The following SEMA5A variants were observed in gnomAD, a reference collection of about 807,000 sequenced individuals.
The protein encoded by SEMA5A is semaphorin-5A.
A neutral mutation model predicts 135.5 loss-of-function variants in SEMA5A; 55 were observed. The observed-to-expected ratio is 0.41, with a 90% CI of 0.33 to 0.51. The LOEUF (loss-of-function observed/expected upper bound fraction) is 0.51. Ranked by LOEUF, SEMA5A falls within the 20% of genes least tolerant of loss-of-function variation. SEMA5A has a pLI of 0.37. For synonymous variants in SEMA5A, 580 were observed against 546.5 expected (o/e 1.06, Z -0.85); for missense variants, 1,290 against 1,419.9 (o/e 0.91, Z 1.47).
At chr5:9,184,060 A>G (rs1161369104) in intron 11 of SEMA5A, among the ~76,000 whole-genome samples, 1 of 151,576 alleles carries the variant, frequency 6.6e-6, no homozygotes. Context: ...GTCTTATTTC[A>G]TGTTTGTAAA....
chr5:9,540,637 A>G lies in SEMA5A; in HGVS notation c.-175+4947T>C, dbSNP rs559628249. Among the ~76,000 whole-genome samples the G allele has an allele frequency of 4.6e-5, 7 of 152,230 alleles. No individual in the cohort carries two copies. In the South Asian group the frequency reaches 1.5e-3, roughly 32 times the overall value. On this transcript the variant is annotated intron_variant, in intron 1 of 22. Transcript: ENST00000382496. ...AGAAAAGAAAATCAGTAGTTTTACAACAAACCTAAATCTCAGTCCTGTAAA... is the reference window on the plus strand; with the variant it reads ...AGAAAAGAAAATCAGTAGTTTTACAGCAAACCTAAATCTCAGTCCTGTAAA...
chr5:9,050,440 A>T lies in SEMA5A; in HGVS notation c.2863T>A (p.Ser955Thr). The T allele has an allele frequency of 6.2e-7, 1 of 1,612,824 alleles. No individual in the cohort carries two copies. Among genetic ancestry groups the T allele is most frequent in the Non-Finnish European group, 8.5e-7 (1 of 1,179,484 alleles). Reference protein sequence around the residue: ...NFIPEVSVARSSSVEEKRCGE... With the variant: ...NFIPEVSVARTSSVEEKRCGE... ...CACCTTTTCTCTTCTACGCTACTGG[A>T]TCTTGCCACAGATACTTCTGGAAAA... Residue 955 changes from serine to threonine, a missense_variant, in exon 21 of 23, where the codon TCC becomes ACC. Physicochemically the swap from Ser to Thr is moderately conservative, Grantham distance 58 (BLOSUM62 1). Around this residue, in one of 3 missense-constraint regions of SEMA5A, gnomAD observed 1,029 missense variants for 1,086.6 expected, o/e 0.95. Coordinates refer to ENST00000382496, the MANE Select transcript of SEMA5A (RefSeq NM_003966.3).
At chr5:9,096,112 G>A (rs1356137682) in intron 16 of SEMA5A, among the ~76,000 whole-genome samples, 2 of 151,962 alleles carry the variant, frequency 1.3e-5, no homozygotes, top group South Asian at 2.1e-4. Flanking sequence ...TGGCTGTACC[G>A]GCCTACATCT....
chr5:9,499,414 A>G (rs574029895), intron 1 of SEMA5A, among the ~76,000 whole-genome samples: 2 of 152,352 alleles, frequency 1.3e-5, no homozygotes, highest in Non-Finnish European at 2.9e-5. Context: ...GCACTCCAAA[A>G]CCACAGAAAT....
intron 13 of SEMA5A, among the ~76,000 whole-genome samples, chr5:9,133,896 C>T (rs914761656): frequency 6.6e-6 from 1 of 151,682 alleles, no homozygotes; most frequent in Non-Finnish European, 1.5e-5. Flanking sequence ...GTAACCCCCA[C>T]ATGTCAAGGG....
chr5:9,044,306 A>G (rs1434823614), intron 22 of SEMA5A, 67 bp downstream of exon 22: 10 of 1,338,504 alleles, frequency 7.5e-6, no homozygotes, highest in Non-Finnish European at 5.3e-6. Flanking sequence ...GAGAAAGGGC[A>G]TCAAAATACT....
chr5:9,060,389 A>C (rs577889518), intron 18 of SEMA5A, among the ~76,000 whole-genome samples: 2 of 152,268 alleles, frequency 1.3e-5, no homozygotes, highest in East Asian at 3.9e-4. Flanking sequence ...AGGAATCTGC[A>C]CATCCTACCC....
At chr5:9,299,366 G>C (rs1023700400) in intron 5 of SEMA5A, among the ~76,000 whole-genome samples, 3 of 152,204 alleles carry the variant, frequency 2.0e-5, no homozygotes, top group Non-Finnish European at 4.4e-5. Flanking sequence ...TCGAGCAAAA[G>C]AAATAGCAAG....
chr5:9,527,170 C>T (rs1052924347), intron 1 of SEMA5A, among the ~76,000 whole-genome samples: 8 of 152,022 alleles, frequency 5.3e-5, no homozygotes, highest in East Asian at 1.9e-4. Flanking sequence ...TACCAGGTCC[C>T]GAGTGTGCTG....
intron 5 of SEMA5A, among the ~76,000 whole-genome samples, chr5:9,251,657 C>G (rs1050291073): frequency 6.6e-6 from 1 of 152,106 alleles, no homozygotes; most frequent in Non-Finnish European, 1.5e-5. Flanking sequence ...CACAATGTTT[C>G]CAAGTGTAAC....
chr5:9,269,134 G>A (rs40705), intron 5 of SEMA5A, among the ~76,000 whole-genome samples: 86,593 of 151,728 alleles, frequency 0.57, 24,893 homozygotes, highest in Middle Eastern at 0.71. Flanking sequence ...TGGAGACTGG[G>A]AGCCTCATGC....
At chr5:9,087,321 C>T (rs1199157605) in intron 16 of SEMA5A, among the ~76,000 whole-genome samples, 1 of 152,106 alleles carries the variant, frequency 6.6e-6, no homozygotes, top group East Asian at 1.9e-4. Context: ...AAATACTTAA[C>T]ATATGGCAAT....
At chr5:9,373,771 C>T (rs1242316289) in intron 3 of SEMA5A, among the ~76,000 whole-genome samples, 1 of 152,176 alleles carries the variant, frequency 6.6e-6, no homozygotes, top group Non-Finnish European at 1.5e-5. Context: ...AGGACCCACG[C>T]AAAGTACAGC....
chr5:9,162,444 ATGTGTATATATATGTG>A (rs1743315105), intron 11 of SEMA5A, among the ~76,000 whole-genome samples: 3 of 95,448 alleles, frequency 3.1e-5, no homozygotes, highest in South Asian at 7.3e-4. Context: ...ATATATGTGT[ATGTGTATATATATGTG>A]TGTGTATATA....
chr5:9,287,746 A>T lies in SEMA5A; in HGVS notation c.270+30626T>A, dbSNP rs115570090. ...GCTTTGTACCATCATGGCAGAGTTG[A>T]TGAGCCATACCAGAGATCACGTGGC... On this transcript the variant is annotated intron_variant, in intron 5 of 22. Coordinates refer to ENST00000382496, the MANE Select transcript of SEMA5A (RefSeq NM_003966.3). 8.6e-3 allele frequency among the ~76,000 whole-genome samples: 1,304 copies of T among 152,298 alleles called. 15 individuals carry two copies. The highest frequency in any genetic ancestry group is 0.03 in the African/African-American group (1,247 of 41,552).
At chr5:9,449,265 C>A (rs1012674630) in intron 1 of SEMA5A, among the ~76,000 whole-genome samples, 4 of 152,150 alleles carry the variant, frequency 2.6e-5, no homozygotes, top group Non-Finnish European at 4.4e-5. Flanking sequence ...ATGTCCTCTG[C>A]AGGGACATGG....
intron 1 of SEMA5A, among the ~76,000 whole-genome samples, chr5:9,491,684 T>C (rs1341802841): frequency 1.3e-5 from 2 of 152,088 alleles, no homozygotes; most frequent in Non-Finnish European, 2.9e-5. Flanking sequence ...CAAAATAATA[T>C]TAAAGTAAAA....
At chr5:9,108,065 A>C in intron 16 of SEMA5A, 75 bp downstream of exon 16, 4 of 1,525,524 alleles carry the variant, frequency 2.6e-6, no homozygotes, top group Non-Finnish European at 3.6e-6. Flanking sequence ...TAGTGTGTGC[A>C]GAGAATTTTG....
chr5:9,406,248 A>T (rs1028594732), intron 2 of SEMA5A, among the ~76,000 whole-genome samples: 5 of 152,228 alleles, frequency 3.3e-5, no homozygotes, highest in African/African-American at 1.2e-4. Context: ...AGAGGCAGCG[A>T]TACTAATTTA....
Sources: allele counts gnomAD v4.1 joint callset (sites outside exome capture counted in the v4.1 genomes callset), GRCh38; gene constraint gnomAD v4.1.1; regional missense constraint gnomAD v4.1.1; transcripts MANE v1.5; gene names NCBI Gene and HGNC (gene_info 2026-07-23, HGNC 2026-07-21).